The following UNC5D variants were observed in gnomAD, a reference collection of about 807,000 sequenced individuals.
UNC5D encodes the protein netrin receptor UNC5D.
UNC5D carries 39 observed loss-of-function variants against 105.4 expected under a neutral mutation model. The observed-to-expected ratio is 0.37, with a 90% confidence interval of 0.29 to 0.48. The LOEUF is 0.48. Among genes scored for constraint, UNC5D ranks in the 20% least tolerant of loss-of-function variants. The pLI is 0.98. For missense variants in UNC5D, 991 were observed against 1,202.4 expected (o/e 0.82, Z 2.60); for synonymous variants, 452 against 450.4 (o/e 1.00, Z -0.04).
At chr8:35,480,214 C>T (rs1810389787) in intron 1 of UNC5D, among the ~76,000 whole-genome samples, 1 of 152,154 alleles carries the variant, frequency 6.6e-6, no homozygotes, top group Admixed American at 6.5e-5. Flanking sequence ...GTATATGGTT[C>T]CATTGCCAAA....
intron 1 of UNC5D, among the ~76,000 whole-genome samples, chr8:35,312,099 T>C (rs1808932978): frequency 6.6e-6 from 1 of 152,220 alleles, no homozygotes; most frequent in Non-Finnish European, 1.5e-5. Flanking sequence ...ACATTGTTTT[T>C]CAATTAATTA....
intron 1 of UNC5D, among the ~76,000 whole-genome samples, chr8:35,544,225 G>A (rs1455604564): frequency 6.6e-6 from 1 of 152,102 alleles, no homozygotes; most frequent in Non-Finnish European, 1.5e-5. Context: ...TTCTGCTAAC[G>A]GAGTTTCCAC....
chr8:35,640,995 T>G (rs1349725424), intron 4 of UNC5D, among the ~76,000 whole-genome samples: 1 of 152,058 alleles, frequency 6.6e-6, no homozygotes, highest in Non-Finnish European at 1.5e-5. Flanking sequence ...ATCCCTTTTC[T>G]TGGTTTCTTT....
intron 4 of UNC5D, among the ~76,000 whole-genome samples, chr8:35,603,578 G>T (rs1820049269): frequency 6.6e-6 from 1 of 152,080 alleles, no homozygotes. Flanking sequence ...GCAGAGCTGA[G>T]TTCAATTCCT....
At chr8:35,466,685 G>A (rs1809327665) in intron 1 of UNC5D, among the ~76,000 whole-genome samples, 1 of 152,142 alleles carries the variant, frequency 6.6e-6, no homozygotes, top group Non-Finnish European at 1.5e-5. Context: ...GATTTCAACA[G>A]TCCTGTATTT....
At chr8:35,641,366 C>CAAAAAAAAAAAAAAAAAAAAAAAA (rs377021599) in intron 4 of UNC5D, among the ~76,000 whole-genome samples, 161 of 44,150 alleles carry the variant, frequency 3.6e-3, no homozygotes, top group African/African-American at 4.0e-3. Flanking sequence ...AAAAATAAAG[C>CAAAAAAAAAAAAAAAAAAAAAAAA]AAAAAAAAAA....
At chr8:35,261,011 C>T (rs1045310228) in intron 1 of UNC5D, among the ~76,000 whole-genome samples, 5 of 152,096 alleles carry the variant, frequency 3.3e-5, no homozygotes, top group Non-Finnish European at 5.9e-5. Flanking sequence ...CATAATTTCC[C>T]TTTCTGTCTA....
At chr8:35,741,079 C>A (rs1242326176) in intron 11 of UNC5D, among the ~76,000 whole-genome samples, 1 of 152,162 alleles carries the variant, frequency 6.6e-6, no homozygotes. Flanking sequence ...TATCTCACTT[C>A]TTCTAAAAAG....
intron 1 of UNC5D, among the ~76,000 whole-genome samples, chr8:35,446,811 T>A (rs1406501157): frequency 6.6e-6 from 1 of 152,262 alleles, no homozygotes; most frequent in East Asian, 1.9e-4. Flanking sequence ...TCTGATGGCC[T>A]GTCCTGTGAG....
intron 1 of UNC5D, among the ~76,000 whole-genome samples, chr8:35,406,021 C>T (rs1356443709): frequency 6.6e-6 from 1 of 152,086 alleles, no homozygotes; most frequent in Non-Finnish European, 1.5e-5. Context: ...GTTAATGTAG[C>T]ATTAAGTTAA....
At chr8:35,361,034 A>C (rs1178104631) in intron 1 of UNC5D, among the ~76,000 whole-genome samples, 1 of 152,188 alleles carries the variant, frequency 6.6e-6, no homozygotes, top group Non-Finnish European at 1.5e-5. Flanking sequence ...TTTTTGAAGA[A>C]GGAAAATAAA....
chr8:35,491,435 C>T (rs1811210526), intron 1 of UNC5D, among the ~76,000 whole-genome samples: 1 of 152,052 alleles, frequency 6.6e-6, no homozygotes, highest in Non-Finnish European at 1.5e-5. Context: ...CAAGAAATGC[C>T]ATTATTTAAA....
At chr8:35,324,602 A>G (rs1197641959) in intron 1 of UNC5D, among the ~76,000 whole-genome samples, 1 of 152,172 alleles carries the variant, frequency 6.6e-6, no homozygotes, top group East Asian at 1.9e-4. Flanking sequence ...TTCCATCTTA[A>G]TGATTAAACT....
At chr8:35,746,080 A>G (rs1829993594) in intron 11 of UNC5D, among the ~76,000 whole-genome samples, 1 of 152,042 alleles carries the variant, frequency 6.6e-6, no homozygotes, top group African/African-American at 2.4e-5. Context: ...ACTATATTGT[A>G]ACCCCCTTCC....
In UNC5D at chr8:35,303,024, G is replaced by A. The variant is rs548962914; in HGVS notation, c.103+67137G>A. 3.3e-5 allele frequency among the ~76,000 whole-genome samples: 5 copies of A among 152,080 alleles called. No individual in the cohort carries two copies. The South Asian group carries it at 1.0e-3, about 32-fold the overall frequency. On this transcript the variant is annotated intron_variant, in intron 1 of 16. Transcript: ENST00000404895. Reference sequence around the variant, plus strand: ...AAAAGAGAAAAAGAAACAGGGGAAAGTAATTTTAAATATATATGTTATTCA... The same window carrying A: ...AAAAGAGAAAAAGAAACAGGGGAAAATAATTTTAAATATATATGTTATTCA...
intron 1 of UNC5D, among the ~76,000 whole-genome samples, chr8:35,521,409 A>C (rs926154570): frequency 2.6e-5 from 4 of 152,198 alleles, no homozygotes; most frequent in Admixed American, 6.5e-5. Context: ...TGTAATAAGT[A>C]AGTCAGGACA....
At chr8:35,727,879 ATG>A (rs1828963065) in intron 10 of UNC5D, 1 of 151,928 alleles carries the variant, frequency 6.6e-6, no homozygotes, top group African/African-American at 2.4e-5. Flanking sequence ...TAAACTAGAC[ATG>A]TGAGTCCTGA....
intron 1 of UNC5D, among the ~76,000 whole-genome samples, chr8:35,450,630 A>C (rs1478241340): frequency 6.6e-6 from 1 of 152,144 alleles, no homozygotes; most frequent in Non-Finnish European, 1.5e-5. Context: ...AGATAAACTT[A>C]ACTATTATTT....
At chr8:35,383,987 G>A (rs1803209931) in intron 1 of UNC5D, among the ~76,000 whole-genome samples, 2 of 152,092 alleles carry the variant, frequency 1.3e-5, no homozygotes, top group Admixed American at 6.6e-5. Flanking sequence ...GGGCCCAGGT[G>A]GGTAGATCAC....
Sources: gnomAD v4.1 joint callset for allele counts (sites outside exome capture counted in the v4.1 genomes callset) on GRCh38, gnomAD v4.1.1 for gene constraint, MANE v1.5 for transcripts, NCBI Gene and HGNC (gene_info 2026-07-23, HGNC 2026-07-21) for gene names.